The following ALDH2 variants were observed in gnomAD, a reference collection of about 807,000 sequenced individuals.
ALDH2 encodes the protein aldehyde dehydrogenase, mitochondrial.
ALDH2 carries 44 observed loss-of-function variants against 59.6 expected under a neutral mutation model. That is an observed-to-expected ratio of 0.74 (90% CI 0.58 to 0.95). The LOEUF (loss-of-function observed/expected upper bound fraction) is 0.95. ALDH2 is among the 40% of genes least tolerant of loss of function. The pLI is 0.00. For missense variants in ALDH2, 570 were observed against 696.3 expected, an observed-to-expected ratio of 0.82 and a Z score of 2.04; for synonymous variants, 291 against 284.0, an observed-to-expected ratio of 1.02 and a Z score of -0.25.
At chr12:111,796,728 A>G (rs962578885) in intron 9 of ALDH2, among the ~76,000 whole-genome samples, 13 of 152,128 alleles carry the variant, frequency 8.5e-5, no homozygotes, top group African/African-American at 3.1e-4. Context: ...CAACATAGCA[A>G]AACCCCATCC....
At chr12:111,805,968 A>G (rs929396932) in intron 12 of ALDH2, among the ~76,000 whole-genome samples, 8 of 148,820 alleles carry the variant, frequency 5.4e-5, no homozygotes, top group South Asian at 2.1e-4. Flanking sequence ...GGTTGCAGTG[A>G]GCCAAGATTG....
intron 1 of ALDH2, among the ~76,000 whole-genome samples, chr12:111,771,850 G>A (rs1003850660): frequency 3.9e-5 from 6 of 152,154 alleles, no homozygotes; most frequent in East Asian, 1.9e-4. Flanking sequence ...TGTAATCTCC[G>A]CACTTTGGGA....
chr12:111,772,698 G>A (rs2068209480), intron 1 of ALDH2, among the ~76,000 whole-genome samples: 3 of 127,208 alleles, frequency 2.4e-5, no homozygotes, highest in African/African-American at 9.0e-5. Flanking sequence ...TTTTGAGACA[G>A]GGTCTTGCTC....
intron 1 of ALDH2, among the ~76,000 whole-genome samples, chr12:111,778,760 G>C (rs1315928622): frequency 1.3e-5 from 2 of 151,324 alleles, no homozygotes; most frequent in Admixed American, 6.6e-5. Context: ...TGTGAACCTG[G>C]GAGGTTGGAG....
chr12:111,768,706 C>T (rs144127636), intron 1 of ALDH2, among the ~76,000 whole-genome samples: 11 of 149,378 alleles, frequency 7.4e-5, no homozygotes, highest in East Asian at 3.9e-4. Context: ...TAGTTAGGTG[C>T]GGTGGCACAT....
chr12:111,770,472 T>G (rs908045732), intron 1 of ALDH2, among the ~76,000 whole-genome samples: 4 of 152,096 alleles, frequency 2.6e-5, no homozygotes, highest in Admixed American at 1.3e-4. Context: ...TTTCTGTTTT[T>G]GTTTTTGTTT....
chr12:111,771,148 C>G (rs2068196669), intron 1 of ALDH2, among the ~76,000 whole-genome samples: 1 of 152,040 alleles, frequency 6.6e-6, no homozygotes, highest in Admixed American at 6.5e-5. Flanking sequence ...GTAATCCCAG[C>G]ACTTTCAGAG....
At chr12:111,772,427 C>T (rs1055361566) in intron 1 of ALDH2, among the ~76,000 whole-genome samples, 11 of 151,004 alleles carry the variant, frequency 7.3e-5, no homozygotes, top group East Asian at 2.0e-4. Context: ...TGCAGTGGCA[C>T]GATCACGGCT....
rs141574314 is a variant in ALDH2 at position 111,781,924 on chromosome 12, A to C, written c.121A>C (p.Ile41Leu). ...QPEVFCNQIFINNEWHDAVSR... is the reference protein window; with the variant it reads ...QPEVFCNQIFLNNEWHDAVSR... ...TCTTTCCTTCTCATTGTAGATTTTC[A>C]TAAACAATGAATGGCACGATGCCGT... The change falls in exon 2 of 13, where the codon ATA becomes CTA. Residue 41 changes from isoleucine to leucine, a missense_variant. By Grantham distance (5) the Ile-to-Leu change is conservative (BLOSUM62 2). Transcript: ENST00000261733. The C allele has an allele frequency of 1.2e-6, 2 of 1,613,312 alleles. No homozygotes were observed. Among genetic ancestry groups the C allele is most frequent in the African/African-American group, 2.7e-5 (2 of 74,840 alleles).
intron 1 of ALDH2, chr12:111,775,720 T>C (rs776963882): frequency 4.4e-6 from 2 of 454,878 alleles, no homozygotes; most frequent in South Asian, 3.1e-5. Context: ...ACGTGTGTTA[T>C]GTAAGTCGAG....
At chr12:111,771,479 T>C (rs757007075) in intron 1 of ALDH2, among the ~76,000 whole-genome samples, 2 of 152,194 alleles carry the variant, frequency 1.3e-5, no homozygotes, top group Admixed American at 6.5e-5. Context: ...CATTGGGAAA[T>C]AGATGAACAC....
Position 111,767,209 on chromosome 12 carries a change from G to T in ALDH2, c.114+113G>T, listed in dbSNP as rs1036945505. 20 of 836,668 alleles carry T rather than the reference G, an allele frequency of 2.4e-5. No individual in the cohort carries two copies. In the African/African-American group the frequency reaches 3.1e-4, roughly 13 times the overall value. 51.8% of individuals were successfully genotyped at this position (836,668 alleles called of 1,614,324 possible). A position where few individuals can be genotyped will look rare whatever the true frequency, so the allele number is the denominator to read the frequency against. ...AGTGTACTCATCTGGGGCTCGAGGG[G>T]TTTGCAGAGGCTGACCTGGAAGCAC... On this transcript the variant is annotated intron_variant, in intron 1 of 12. Transcript: ENST00000261733.
intron 1 of ALDH2, among the ~76,000 whole-genome samples, chr12:111,777,917 A>G (rs549379651): frequency 2.5e-4 from 38 of 152,300 alleles, no homozygotes; most frequent in African/African-American, 7.0e-4. Context: ...CCAGAACCCC[A>G]GTTAATGTTT....
At chr12:111,793,550 CT>C (rs758647215) in intron 9 of ALDH2, among the ~76,000 whole-genome samples, 4 of 151,554 alleles carry the variant, frequency 2.6e-5, no homozygotes, top group Non-Finnish European at 5.9e-5. Context: ...ATACTGGTAC[CT>C]TATTATTCAC....
intron 1 of ALDH2, among the ~76,000 whole-genome samples, chr12:111,771,901 C>G (rs2068202437): frequency 6.8e-6 from 1 of 146,934 alleles, no homozygotes; most frequent in South Asian, 2.1e-4. Context: ...GAGTTCGAGA[C>G]CAGCCTGACC....
intron 1 of ALDH2, among the ~76,000 whole-genome samples, chr12:111,779,966 A>G (rs2068260646): frequency 6.6e-6 from 1 of 152,082 alleles, no homozygotes; most frequent in Non-Finnish European, 1.5e-5. Flanking sequence ...ATCTTGGCTC[A>G]CTGCAACTTC....
chr12:111,799,896 C>T lies in ALDH2; in HGVS notation c.1249-10C>T, dbSNP rs183108437. On this transcript the variant is annotated splice_polypyrimidine_tract_variant and intron_variant, in intron 10 of 12. Coordinates refer to ENST00000261733, the MANE Select transcript of ALDH2 (RefSeq NM_000690.4). ...TTGCCGAACCCTCCTACGCTGCTCT[C>T]TCACTCCAGATCTTCGGGCCAGTGA... 1,102 of 1,612,100 alleles carry T rather than the reference C, an allele frequency of 6.8e-4. No individual in the cohort carries two copies. Among genetic ancestry groups the T allele is most frequent in the Middle Eastern group, 1.2e-3 (7 of 6,050 alleles).
At chr12:111,808,356 A>G (rs190865348) in intron 12 of ALDH2, among the ~76,000 whole-genome samples, 1 of 152,274 alleles carries the variant, frequency 6.6e-6, no homozygotes, top group East Asian at 1.9e-4. Context: ...AAAATATTCT[A>G]AAAGCAATTA....
Position 111,792,661 on chromosome 12 carries a change from C to T in ALDH2, c.962C>T (p.Ala321Val). The T allele has an allele frequency of 6.2e-7, 1 of 1,611,924 alleles. No homozygotes were observed. Among genetic ancestry groups the T allele is most frequent in the Admixed American group, 1.7e-5 (1 of 59,794 alleles). ...LFFNQGQCCC[A>V]GSRTFVQEDI... ...TTCAACCAGGGCCAGTGCTGCTGTGCCGGCTCCCGGACCTTCGTGCAGGAG... is the reference window on the plus strand; with the variant it reads ...TTCAACCAGGGCCAGTGCTGCTGTGTCGGCTCCCGGACCTTCGTGCAGGAG... Residue 321 changes from alanine (A) to valine (V), a missense_variant, in exon 9 of 13, where the codon GCC becomes GTC. Transcript: ENST00000261733.
Sources: gnomAD v4.1 joint callset for allele counts (sites outside exome capture counted in the v4.1 genomes callset) on GRCh38, gnomAD v4.1.1 for gene constraint, MANE v1.5 for transcripts, NCBI Gene and HGNC (gene_info 2026-07-23, HGNC 2026-07-21) for gene names.